Variants in CLEC2L observed in about 807,000 individuals in gnomAD.
CLEC2L encodes the protein C-type lectin domain family 2 member L, also known as C-type lectin domain family 2, member L.
CLEC2L carries 14 observed loss-of-function variants against 23.6 expected under a neutral mutation model. That is an observed-to-expected ratio of 0.59 (90% CI 0.39 to 0.93). The LOEUF is 0.93. Among genes scored for constraint, CLEC2L ranks in the 40% least tolerant of loss-of-function variants. CLEC2L has a pLI of 0.00. For synonymous variants in CLEC2L, 114 were observed against 121.3 expected, an observed-to-expected ratio of 0.94 and a Z score of 0.40; for missense variants, 264 against 282.4, an observed-to-expected ratio of 0.93 and a Z score of 0.47.
rs752020945 is a variant in CLEC2L, at chr7:139,540,405, A to G, written c.350A>G (p.Glu117Gly). Residue 117 changes from glutamate to glycine, a missense_variant, in exon 3 of 5, where the codon GAA becomes GGA. By Grantham distance (98) the Glu-to-Gly change is moderately conservative (BLOSUM62 -2). Transcript: ENST00000422142. This position sits in a 1 kb window ranked among gnomAD's most constrained non-coding sequence, Gnocchi z 5.8. ...AGGAAGTGCTACTTCTTTTCCGAGGAACCCAGAGACTGGAACACAGGCAGG... is the reference window on the plus strand; with the variant it reads ...AGGAAGTGCTACTTCTTTTCCGAGGGACCCAGAGACTGGAACACAGGCAGG... ...YGRKCYFFSE[E>G]PRDWNTGRQY... is the part of the protein sequence containing the mutation. 5 of 1,609,578 alleles carry G rather than the reference A, an allele frequency of 3.1e-6. No homozygotes were observed. The highest frequency in any genetic ancestry group is 4.2e-6 in the Non-Finnish European group (5 of 1,178,274).
Position 139,544,579 on chromosome 7 carries a change from A to G in CLEC2L, c.*237A>G. The stretch of plus-strand genomic sequence containing the variant: ...TTAAATCCCATATGCTAGGTAGTGT[A>G]GGCATCTGCCCACCTACACACACAC... On this transcript the variant is annotated 3_prime_UTR_variant, in exon 5 of 5. Coordinates refer to ENST00000422142, the MANE Select transcript of CLEC2L (RefSeq NM_001080511.4). The G allele has an allele frequency of 3.6e-6, 2 of 557,208 alleles. No homozygotes were observed. The highest frequency in any genetic ancestry group is 3.1e-5 in the Admixed American group (1 of 32,448). 34.5% of individuals were successfully genotyped at this position (557,208 alleles called of 1,614,324 possible).
chr7:139,540,557 C>T lies in CLEC2L; in HGVS notation c.432+70C>T. ...GGCCCCCAACCTTGACTCTAGGGGA[C>T]AGCCACACAGTAAAGGATGCAGTGT... On this transcript the variant is annotated intron_variant, in intron 3 of 4. Coordinates refer to ENST00000422142, the MANE Select transcript of CLEC2L (RefSeq NM_001080511.4). This position sits in a 1 kb window ranked among gnomAD's most constrained non-coding sequence, Gnocchi z 5.8. The T allele has an allele frequency of 6.6e-7, 1 of 1,505,314 alleles. No homozygotes were observed. Among genetic ancestry groups the T allele is most frequent in the Non-Finnish European group, 9.0e-7 (1 of 1,108,676 alleles). The allele number at this position is 1,505,314 out of a possible 1,614,324, so 93.2% of individuals were successfully genotyped here.
intron 1 of CLEC2L, among the ~76,000 whole-genome samples, chr7:139,526,933 G>A (rs991420721): frequency 2.6e-5 from 4 of 152,232 alleles, no homozygotes; most frequent in African/African-American, 7.2e-5. Flanking sequence ...TGGGAGGAGG[G>A]ATCTGTCCTT....
chr7:139,530,841 G>A (rs1427652712), intron 1 of CLEC2L, among the ~76,000 whole-genome samples: 3 of 146,886 alleles, frequency 2.0e-5, no homozygotes, highest in African/African-American at 7.5e-5. Context: ...AAAAAATAGG[G>A]CCTCTAGACA....
chr7:139,539,442 C>T lies in CLEC2L; in HGVS notation c.266-879C>T, dbSNP rs1183457704. On this transcript the variant is annotated intron_variant, in intron 2 of 4. Transcript: ENST00000422142. This position sits in a 1 kb window ranked among gnomAD's most constrained non-coding sequence, Gnocchi z 4.1. ...TTTGGCAAGGAGGCCCTTTGAGAAG[C>T]TCCGGGCTTCCTTCCCAGAAAAGTC... 3 of 152,172 alleles carry T rather than the reference C, an allele frequency of 2.0e-5. No individual in the cohort carries two copies. Among genetic ancestry groups the T allele is most frequent in the East Asian group, 1.9e-4 (1 of 5,196 alleles). The allele number at this position is 152,172 out of a possible 1,614,324, so 9.4% of individuals were successfully genotyped here.
intron 1 of CLEC2L, among the ~76,000 whole-genome samples, chr7:139,527,144 C>T (rs1190984151): frequency 1.3e-5 from 2 of 152,230 alleles, no homozygotes; most frequent in Admixed American, 1.3e-4. Flanking sequence ...CTCACCTCTC[C>T]CCTTGCAGGG....
At chr7:139,524,308 A>C in intron 1 of CLEC2L, among the ~76,000 whole-genome samples, 191 bp downstream of exon 1, 2 of 151,198 alleles carry the variant, frequency 1.3e-5, no homozygotes, top group African/African-American at 4.9e-5. Flanking sequence ...GTGGGAGGGA[A>C]CCGGGGGCCA....
chr7:139,541,143 G>T (rs771824393), intron 3 of CLEC2L, among the ~76,000 whole-genome samples: 32 of 152,090 alleles, frequency 2.1e-4, no homozygotes, highest in Admixed American at 1.2e-3. Flanking sequence ...TGAGTCGCTG[G>T]GACTGCAGCT....
At chr7:139,538,394 C>G (rs146573002) in intron 2 of CLEC2L, among the ~76,000 whole-genome samples, 3 of 148,908 alleles carry the variant, frequency 2.0e-5, no homozygotes, top group Non-Finnish European at 4.4e-5. Flanking sequence ...GATTGTGCCA[C>G]GCACTCCAGC....
intron 1 of CLEC2L, chr7:139,534,315 G>T: frequency 2.8e-6 from 4 of 1,447,026 alleles, no homozygotes; most frequent in Non-Finnish European, 3.9e-6. Flanking sequence ...ACGAATCTGT[G>T]AATGAATGCA....
intron 1 of CLEC2L, among the ~76,000 whole-genome samples, chr7:139,524,368 CT>C (rs1196100508): frequency 2.0e-5 from 3 of 152,244 alleles, no homozygotes; most frequent in African/African-American, 4.8e-5. Flanking sequence ...CCTCTCTGAC[CT>C]TGGAGCGGGC....
chr7:139,528,421 C>T (rs1797534816), intron 1 of CLEC2L, among the ~76,000 whole-genome samples: 2 of 152,150 alleles, frequency 1.3e-5, no homozygotes, highest in Admixed American at 1.3e-4. Flanking sequence ...CTTACAGTTC[C>T]ACATGGCTGG....
At chr7:139,525,807 G>T (rs550918364) in intron 1 of CLEC2L, among the ~76,000 whole-genome samples, 29 of 152,120 alleles carry the variant, frequency 1.9e-4, no homozygotes, top group African/African-American at 6.7e-4. Context: ...CCACCCCCTT[G>T]TGCTTCCTCC....
At chr7:139,526,279 G>T (rs990923274) in intron 1 of CLEC2L, among the ~76,000 whole-genome samples, 6 of 152,124 alleles carry the variant, frequency 3.9e-5, no homozygotes, top group African/African-American at 1.4e-4. Context: ...AGCACGATGT[G>T]TTCTGGGCCA....
chr7:139,535,082 A>G lies in CLEC2L; in HGVS notation c.191-1192A>G, dbSNP rs530649725. On this transcript the variant is annotated intron_variant, in intron 1 of 4. Transcript: ENST00000422142. ...GGACTTGAACAGATACTCATACACC[A>G]TGTTCATAGCTGCGTTATTCACAAT... Among the ~76,000 whole-genome samples the G allele has an allele frequency of 3.4e-4, 52 of 152,322 alleles. No homozygotes were observed. The South Asian group carries it at 0.011, about 32-fold the overall frequency.
intron 1 of CLEC2L, among the ~76,000 whole-genome samples, chr7:139,524,499 G>A (rs1797478285): frequency 6.6e-6 from 1 of 152,168 alleles, no homozygotes; most frequent in South Asian, 2.1e-4. Context: ...TTCGAGTAAA[G>A]TAAGAAAGCT....
intron 1 of CLEC2L, among the ~76,000 whole-genome samples, chr7:139,526,644 C>A (rs1452781461): frequency 6.6e-6 from 1 of 152,188 alleles, no homozygotes; most frequent in Non-Finnish European, 1.5e-5. Flanking sequence ...CAGAGCCTTC[C>A]ATTGCCACAG....
chr7:139,526,115 G>A lies in CLEC2L; in HGVS notation c.190+1998G>A, dbSNP rs556845410. Among the ~76,000 whole-genome samples the A allele has an allele frequency of 7.2e-5, 11 of 152,280 alleles. No homozygotes were observed. In the South Asian group the frequency reaches 2.3e-3, roughly 32 times the overall value. ...CTTGGGCCTACTGACTTTTCCCACA[G>A]GAGTTTTAGAATCTGGAGTCTGAGT... On this transcript the variant is annotated intron_variant, in intron 1 of 4. Coordinates refer to ENST00000422142, the MANE Select transcript of CLEC2L (RefSeq NM_001080511.4).
chr7:139,524,067 G>T lies in CLEC2L; in HGVS notation c.140G>T (p.Arg47Leu). Residue 47 changes from arginine (R) to leucine (L), a missense_variant, in exon 1 of 5, where the codon CGA (arginine) becomes CTA (leucine). Transcript: ENST00000422142. ...CGCGGCCCCGAGGGGCTGCTGCGGCGATCCGGGTCGGGCTACGAGGGCAGC... is the reference window on the plus strand; with the variant it reads ...CGCGGCCCCGAGGGGCTGCTGCGGCTATCCGGGTCGGGCTACGAGGGCAGC... ...EARGPEGLLRRSGSGYEGSTS... is the reference protein window; with the variant it reads ...EARGPEGLLRLSGSGYEGSTS... The T allele has an allele frequency of 1.6e-6, 2 of 1,224,854 alleles. No homozygotes were observed. Among genetic ancestry groups the T allele is most frequent in the Non-Finnish European group, 1.0e-6 (1 of 981,538 alleles). 75.9% of individuals were successfully genotyped at this position (1,224,854 alleles called of 1,614,324 possible).
Sources: allele counts gnomAD v4.1 joint callset (sites outside exome capture counted in the v4.1 genomes callset), GRCh38; gene constraint gnomAD v4.1.1; non-coding constraint Gnocchi (gnomAD v3.1); transcripts MANE v1.5; gene names NCBI Gene and HGNC (gene_info 2026-07-23, HGNC 2026-07-21).